Variants in PTP4A1 observed in about 807,000 individuals in gnomAD.
PTP4A1 encodes protein tyrosine phosphatase 4A1.
Under a neutral mutation model 20.5 loss-of-function variants are expected in PTP4A1, and 9 were observed. The ratio of observed to expected loss-of-function variants is 0.44; its 90% CI spans 0.26 to 0.77. The LOEUF (loss-of-function observed/expected upper bound fraction) is 0.77, where lower values mean the gene tolerates loss of function less well. Ranked by LOEUF, PTP4A1 falls within the 30% of genes least tolerant of loss-of-function variation. The pLI, the probability that PTP4A1 is intolerant of heterozygous loss-of-function variation, is 0.19. For missense variants in PTP4A1, 137 were observed against 218.8 expected, an observed-to-expected ratio of 0.63 and a Z score of 2.36; for synonymous variants, 78 against 67.4, an observed-to-expected ratio of 1.16 and a Z score of -0.77.
chr6:63,548,533 G>T (rs1405939504), intron 2 of PTP4A1, among the ~76,000 whole-genome samples: 3 of 152,180 alleles, frequency 2.0e-5, no homozygotes, highest in Non-Finnish European at 4.4e-5. Context: ...CTGTGACCAT[G>T]TCCTGTTTTT....
rs191468652 is a variant in PTP4A1 at position 63,536,539 on chromosome 6, G to A, written c.-640+8455G>A. ...AAAACATCTGAACTCAGGAATTTTC[G>A]TGGGGAACAAATCACCACTTATATT... On this transcript the variant is annotated intron_variant, in intron 2 of 3. Transcript: ENST00000639568. Among the ~76,000 whole-genome samples, 36 of 152,156 alleles carry A rather than the reference G, an allele frequency of 2.4e-4. 1 individual carries two copies. Among genetic ancestry groups the A allele is most frequent in the African/African-American group, 6.0e-4 (25 of 41,522 alleles).
At chr6:63,521,219 T>C (rs899253918), upstream of PTP4A1, among the ~76,000 whole-genome samples, 2 of 149,506 alleles carry the variant, frequency 1.3e-5, no homozygotes, top group African/African-American at 4.9e-5. Context: ...GCCCAAAACT[T>C]AAAGTAAAAT....
intron 3 of PTP4A1, among the ~76,000 whole-genome samples, chr6:63,551,664 C>T (rs1357621322): frequency 1.3e-5 from 2 of 151,862 alleles, no homozygotes; most frequent in Non-Finnish European, 2.9e-5. Context: ...TTAGTTATAT[C>T]TCCTAATGCT....
At chr6:63,528,238 G>A (rs1177945749) in intron 2 of PTP4A1, among the ~76,000 whole-genome samples, 1 of 152,160 alleles carries the variant, frequency 6.6e-6, no homozygotes, top group Non-Finnish European at 1.5e-5. Flanking sequence ...TAGTAACACA[G>A]ACAGCCATGG....
intron 2 of PTP4A1, among the ~76,000 whole-genome samples, chr6:63,545,198 C>G (rs767251402): frequency 6.6e-6 from 1 of 152,266 alleles, no homozygotes; most frequent in South Asian, 2.1e-4. Context: ...ATACTCAAAT[C>G]GTCCCAGATT....
At chr6:63,579,053 C>CAAA (rs763372643) in intron 4 of PTP4A1, 25 bp downstream of exon 4, 21 of 1,548,478 alleles carry the variant, frequency 1.4e-5, no homozygotes, top group Middle Eastern at 1.7e-4. Flanking sequence ...CAATTTGATT[C>CAAA]TAGGTAAAAA....
intron 2 of PTP4A1, among the ~76,000 whole-genome samples, chr6:63,540,490 G>C (rs1775913909): frequency 6.6e-6 from 1 of 151,900 alleles, no homozygotes; most frequent in African/African-American, 2.4e-5. Flanking sequence ...GTGTGGTGGT[G>C]CATGCCTGTA....
intron 4 of PTP4A1, 29 bp from the exon 5 acceptor site, chr6:63,579,228 A>C: frequency 6.4e-7 from 1 of 1,568,736 alleles, no homozygotes; most frequent in Non-Finnish European, 8.7e-7. Flanking sequence ...TTTTGAAAAA[A>C]CTATTTATCA....
At chr6:63,566,901 A>T (rs1777215079) in intron 3 of PTP4A1, among the ~76,000 whole-genome samples, 1 of 152,236 alleles carries the variant, frequency 6.6e-6, no homozygotes, top group Non-Finnish European at 1.5e-5. Context: ...TAAATCCTTT[A>T]TCATTTCAAC....
chr6:63,555,796 C>T (rs528136194), intron 3 of PTP4A1, among the ~76,000 whole-genome samples: 3 of 151,152 alleles, frequency 2.0e-5, no homozygotes, highest in East Asian at 1.9e-4. Flanking sequence ...CTAGTTCAAG[C>T]GATTCTCCTG....
intron 2 of PTP4A1, among the ~76,000 whole-genome samples, chr6:63,539,713 G>A (rs1226345751): frequency 1.3e-5 from 2 of 151,842 alleles, no homozygotes; most frequent in Non-Finnish European, 2.9e-5. Flanking sequence ...AGGTTGCAGT[G>A]AGCTGAGATC....
At chr6:63,548,503 G>C (rs1320584400) in intron 2 of PTP4A1, among the ~76,000 whole-genome samples, 1 of 152,166 alleles carries the variant, frequency 6.6e-6, no homozygotes, top group African/African-American at 2.4e-5. Context: ...CATCGTAGCA[G>C]CCTGTGAGCT....
At chr6:63,566,284 A>T (rs1486363251) in intron 3 of PTP4A1, among the ~76,000 whole-genome samples, 1 of 152,236 alleles carries the variant, frequency 6.6e-6, no homozygotes, top group Non-Finnish European at 1.5e-5. Context: ...GTTGCAATGT[A>T]TTATTGTGAT....
At chr6:63,560,620 T>C (rs973843415) in intron 3 of PTP4A1, among the ~76,000 whole-genome samples, 11 of 152,008 alleles carry the variant, frequency 7.2e-5, no homozygotes, top group African/African-American at 2.7e-4. Context: ...GCCAGGCTGG[T>C]CTCGAACTCC....
chr6:63,563,694 C>A (rs918211964), intron 3 of PTP4A1, among the ~76,000 whole-genome samples: 3 of 152,108 alleles, frequency 2.0e-5, no homozygotes, highest in Non-Finnish European at 4.4e-5. Context: ...GCATTTAACA[C>A]ATATGTGTTG....
chr6:63,524,528 C>T (rs1266592133), intron 1 of PTP4A1, among the ~76,000 whole-genome samples: 1 of 151,846 alleles, frequency 6.6e-6, no homozygotes, highest in Admixed American at 6.6e-5. Context: ...AATTTTAATT[C>T]CTATATGAAT....
chr6:63,525,339 G>A (rs549355092), intron 1 of PTP4A1, among the ~76,000 whole-genome samples: 7 of 152,286 alleles, frequency 4.6e-5, no homozygotes, highest in Non-Finnish European at 7.4e-5. Context: ...CCTGGCTTCC[G>A]GTTAGATTCT....
At chr6:63,525,727 C>T (rs1463602785) in intron 1 of PTP4A1, among the ~76,000 whole-genome samples, 1 of 152,202 alleles carries the variant, frequency 6.6e-6, no homozygotes, top group Non-Finnish European at 1.5e-5. Flanking sequence ...GTGGTAGCAG[C>T]TGCTTTCTGC....
chr6:63,576,749 A>G lies in PTP4A1; in HGVS notation c.-132A>G. Reference sequence around the variant, plus strand: ...TTCATTTCACTTATCATTACTTACAACTTCATACTCAAAGCACTGAGAATT... The same window carrying G: ...TTCATTTCACTTATCATTACTTACAGCTTCATACTCAAAGCACTGAGAATT... On this transcript the variant is annotated 5_prime_UTR_variant, in exon 2 of 6. Transcript: ENST00000626021. The G allele has an allele frequency of 1.4e-6, 1 of 700,640 alleles. No individual in the cohort carries two copies. The highest frequency in any genetic ancestry group is 1.9e-5 in the South Asian group (1 of 51,488). 43.4% of individuals were successfully genotyped at this position (700,640 alleles called of 1,614,324 possible). A position where few individuals can be genotyped will look rare whatever the true frequency, so the allele number is the denominator to read the frequency against.
Sources: allele counts gnomAD v4.1 joint callset (sites outside exome capture counted in the v4.1 genomes callset), GRCh38; gene constraint gnomAD v4.1.1; transcripts MANE v1.5; gene names NCBI Gene and HGNC (gene_info 2026-07-23, HGNC 2026-07-21).